Variants in RANBP2 observed in about 807,000 individuals in gnomAD.
The protein encoded by RANBP2 is RAN binding protein 2.
A neutral mutation model predicts 303.6 loss-of-function variants in RANBP2; 57 were observed. The ratio of observed to expected loss-of-function variants is 0.19; its 90% CI spans 0.15 to 0.23. RANBP2 has a LOEUF of 0.23. Ranked by LOEUF, RANBP2 falls within the 10% of genes least tolerant of loss-of-function variation. The probability of loss-of-function intolerance (pLI) is 1.00; values close to 1 mark genes in which losing one functional copy is unlikely to be tolerated. For missense variants in RANBP2, 3,138 were observed against 3,780.8 expected (o/e 0.83, Z 4.46); for synonymous variants, 1,167 against 1,301.5 (o/e 0.90, Z 2.23).
chr2:108,835,735 A>G, the RANBP2 span, among the ~76,000 whole-genome samples: 4 of 152,232 alleles, frequency 2.6e-5, no homozygotes, highest in Non-Finnish European at 5.9e-5. Context: ...ACAGCTCTCC[A>G]GAAATATTTT....
At chr2:109,322,982 G>A in the RANBP2 span, among the ~76,000 whole-genome samples, 33 of 152,230 alleles carry the variant, frequency 2.2e-4, no homozygotes, top group African/African-American at 8.0e-4. Flanking sequence ...ATCTGACTGT[G>A]GGCAAGGCTG....
At chr2:109,354,942 GT>G in the RANBP2 span, among the ~76,000 whole-genome samples, 1 of 152,202 alleles carries the variant, frequency 6.6e-6, no homozygotes, top group Non-Finnish European at 1.5e-5. Flanking sequence ...AGGTGATATA[GT>G]TTTTTAGTAA....
At chr2:108,864,209 C>G in the RANBP2 span, among the ~76,000 whole-genome samples, 1 of 151,732 alleles carries the variant, frequency 6.6e-6, no homozygotes, top group Non-Finnish European at 1.5e-5. Flanking sequence ...AAAATCTAAC[C>G]CACCAATTAG....
the RANBP2 span, among the ~76,000 whole-genome samples, chr2:108,977,101 A>G: frequency 6.6e-6 from 1 of 152,040 alleles, no homozygotes; most frequent in Non-Finnish European, 1.5e-5. Flanking sequence ...GCCAATAAGG[A>G]GGCACTGATG....
the RANBP2 span, chr2:109,553,197 T>G: frequency 1.9e-6 from 3 of 1,614,170 alleles, no homozygotes; most frequent in Non-Finnish European, 2.5e-6. Flanking sequence ...TCATGTCTTT[T>G]GGCTTCATAG....
the RANBP2 span, among the ~76,000 whole-genome samples, chr2:108,972,716 T>C: frequency 2.0e-5 from 3 of 152,194 alleles, no homozygotes; most frequent in Non-Finnish European, 4.4e-5. Context: ...GCAGCCCTCA[T>C]CTGATTTGTC....
chr2:108,808,304 A>G, the RANBP2 span, among the ~76,000 whole-genome samples: 1 of 152,240 alleles, frequency 6.6e-6, no homozygotes, highest in East Asian at 1.9e-4. Flanking sequence ...TATTGCAAAT[A>G]CTGCTGCAGT....
At chr2:109,151,359 AATGGT>A in the RANBP2 span, among the ~76,000 whole-genome samples, 5 of 152,186 alleles carry the variant, frequency 3.3e-5, no homozygotes, top group South Asian at 1.0e-3. Flanking sequence ...ATGAAAAGCT[AATGGT>A]TTAACAGGTG....
chr2:109,031,410 T>C, the RANBP2 span, among the ~76,000 whole-genome samples: 2 of 152,094 alleles, frequency 1.3e-5, no homozygotes, highest in Non-Finnish European at 1.5e-5. Flanking sequence ...ATCAGCCCCG[T>C]TCCCCTTACG....
At chr2:108,911,763 A>C in the RANBP2 span, among the ~76,000 whole-genome samples, 1 of 152,066 alleles carries the variant, frequency 6.6e-6, no homozygotes, top group Non-Finnish European at 1.5e-5. Flanking sequence ...GCCACCACCC[A>C]AATAGACAGG....
the RANBP2 span, among the ~76,000 whole-genome samples, chr2:109,679,883 T>C: frequency 3.0e-4 from 46 of 152,264 alleles, no homozygotes; most frequent in African/African-American, 5.1e-4. Context: ...GAGAAATCAG[T>C]GGCTGACACT....
the RANBP2 span, among the ~76,000 whole-genome samples, chr2:109,097,736 G>GGTGTGT: frequency 4.6e-4 from 68 of 146,804 alleles, 1 homozygote; most frequent in African/African-American, 1.6e-3. Context: ...ATGTGCTTAG[G>GGTGTGT]GTGTGTGTGT....
At chr2:109,199,851 AAT>A in the RANBP2 span, among the ~76,000 whole-genome samples, 53 of 151,508 alleles carry the variant, frequency 3.5e-4, 7 homozygotes, top group Non-Finnish European at 4.6e-4. Flanking sequence ...ATGGAATGGA[AAT>A]AACAAAATTG....
chr2:109,726,754 A>G, the RANBP2 span, among the ~76,000 whole-genome samples: 1 of 151,998 alleles, frequency 6.6e-6, no homozygotes, highest in Non-Finnish European at 1.5e-5. Flanking sequence ...GAGAGTGGGG[A>G]GCCACACCCT....
At chr2:108,921,199 G>C in the RANBP2 span, among the ~76,000 whole-genome samples, 2 of 152,110 alleles carry the variant, frequency 1.3e-5, no homozygotes, top group Admixed American at 1.3e-4. Flanking sequence ...CATAGGGTTA[G>C]AGCCTGGGAG....
chr2:109,317,549 G>A, the RANBP2 span, among the ~76,000 whole-genome samples: 1 of 152,170 alleles, frequency 6.6e-6, no homozygotes, highest in Non-Finnish European at 1.5e-5. Context: ...GTTCTGCCGG[G>A]CCTGCCTCAT....
chr2:108,888,296 G>A, the RANBP2 span, among the ~76,000 whole-genome samples: 7 of 152,152 alleles, frequency 4.6e-5, no homozygotes, highest in Admixed American at 3.3e-4. Flanking sequence ...TTGCATATAT[G>A]TTCATTCACC....
rs1695505909 is a variant in RANBP2, at chr2:108,735,535, C to A, written c.409C>A (p.Gln137Lys). ...GSPAIYKLKE[Q>K]LLDCEGEDGW... ...TTTCTTTTTCCCCTCTAAATAGGAA[C>A]AGCTTCTAGATTGTGAAGGTGAAGA... is the stretch of plus-strand genomic sequence containing the variant. Residue 137 changes from glutamine to lysine, a missense_variant, in exon 5 of 29, where the codon CAG becomes AAG. Physicochemically the swap from Gln to Lys is moderately conservative, Grantham distance 53 (BLOSUM62 1). Coordinates refer to ENST00000283195, the MANE Select transcript of RANBP2 (RefSeq NM_006267.5). The A allele has an allele frequency of 1.3e-6, 2 of 1,597,518 alleles. No individual in the cohort carries two copies. Among genetic ancestry groups the A allele is most frequent in the South Asian group, 2.2e-5 (2 of 90,996 alleles).
At chr2:109,683,140 C>T in the RANBP2 span, among the ~76,000 whole-genome samples, 16 of 152,058 alleles carry the variant, frequency 1.1e-4, no homozygotes, top group South Asian at 1.0e-3. Context: ...CAAGTAGCTA[C>T]GATTACAGGT....
Sources: allele counts gnomAD v4.1 joint callset (sites outside exome capture counted in the v4.1 genomes callset), GRCh38; gene constraint gnomAD v4.1.1; transcripts MANE v1.5; gene names NCBI Gene and HGNC (gene_info 2026-07-23, HGNC 2026-07-21).